NEK6: variants seen among roughly 807,000 people sequenced by gnomAD.
NEK6 encodes the protein serine/threonine-protein kinase Nek6.
A neutral mutation model predicts 43.5 loss-of-function variants in NEK6; 27 were observed. The observed-to-expected ratio is 0.62, with a 90% CI of 0.46 to 0.86. The LOEUF (loss-of-function observed/expected upper bound fraction) is 0.86. Among genes scored for constraint, NEK6 ranks in the 40% least tolerant of loss-of-function variants. NEK6 has a pLI of 0.00. For synonymous variants in NEK6, 167 were observed against 164.1 expected (o/e 1.02, Z -0.14); for missense variants, 318 against 414.4 (o/e 0.77, Z 2.02).
Position 124,283,444 on chromosome 9 carries a change from G to A in NEK6, c.-29-18492G>A, listed in dbSNP as rs557592876. Among the ~76,000 whole-genome samples the A allele has an allele frequency of 9.8e-5, 15 of 152,348 alleles. 1 individual carries two copies. The South Asian group carries it at 2.9e-3, about 29-fold the overall frequency. ...TGAGTGCACGGGTGTAGCACTGGACGGAGGACAGAGGCTGCTAAGCTGCAT... is the reference window on the plus strand; with the variant it reads ...TGAGTGCACGGGTGTAGCACTGGACAGAGGACAGAGGCTGCTAAGCTGCAT... On this transcript the variant is annotated intron_variant, in intron 1 of 9. Transcript: ENST00000320246.
At chr9:124,312,419 G>T (rs891962050) in intron 2 of NEK6, 90 bp from the exon 3 acceptor site, 2 of 1,400,614 alleles carry the variant, frequency 1.4e-6, no homozygotes, top group African/African-American at 1.4e-5. Context: ...ACCTTAGAGG[G>T]TGCTGTTGGG....
At chr9:124,350,410 G>T (rs1830195077) in intron 9 of NEK6, among the ~76,000 whole-genome samples, 1 of 152,126 alleles carries the variant, frequency 6.6e-6, no homozygotes, top group Non-Finnish European at 1.5e-5. Flanking sequence ...GCAGACTGCA[G>T]CCCTGCTGCA....
Position 124,353,161 on chromosome 9 carries a change from T to C in NEK6, c.*2214T>C, listed in dbSNP as rs1227314327. ...CTTTGCCATTTTTTTCCTACTTGGC[T>C]GCTGAGGTGGAGGGTGTGCTGCACT... On this transcript the variant is annotated 3_prime_UTR_variant, in exon 10 of 10. Coordinates refer to ENST00000320246, the MANE Select transcript of NEK6 (RefSeq NM_014397.6). The C allele has an allele frequency of 6.2e-6, 1 of 161,778 alleles. No homozygotes were observed. Among genetic ancestry groups the C allele is most frequent in the Non-Finnish European group, 1.3e-5 (1 of 74,940 alleles). 10.0% of individuals were successfully genotyped at this position (161,778 alleles called of 1,614,324 possible). A position where few individuals can be genotyped will look rare whatever the true frequency, so the allele number is the denominator to read the frequency against.
At chr9:124,260,714 C>T (rs1055430383) in intron 1 of NEK6, among the ~76,000 whole-genome samples, 6 of 152,172 alleles carry the variant, frequency 3.9e-5, no homozygotes, top group Non-Finnish European at 7.4e-5. Flanking sequence ...TCCCCATTTA[C>T]TGAGGATATA....
intron 7 of NEK6, among the ~76,000 whole-genome samples, chr9:124,332,336 G>A (rs1318049186): frequency 6.6e-6 from 1 of 152,226 alleles, no homozygotes; most frequent in African/African-American, 2.4e-5. Context: ...TCATTTTCCA[G>A]AGAGGGAAAC....
At chr9:124,277,733 C>G (rs888301231) in intron 1 of NEK6, among the ~76,000 whole-genome samples, 1 of 152,198 alleles carries the variant, frequency 6.6e-6, no homozygotes, top group Admixed American at 6.5e-5. Flanking sequence ...GTTTTGCTTC[C>G]TGGGGACGAG....
rs1008469082 is a variant in NEK6, at chr9:124,343,450, TCA to T, written c.717+3790_717+3791del. Among the ~76,000 whole-genome samples the T allele has an allele frequency of 6.6e-6, 1 of 152,028 alleles. No individual in the cohort carries two copies. The highest frequency in any genetic ancestry group is 1.5e-5 in the Non-Finnish European group (1 of 67,962). On this transcript the variant is annotated intron_variant, in intron 8 of 9. Coordinates refer to ENST00000320246, the MANE Select transcript of NEK6 (RefSeq NM_014397.6). The surrounding 1 kb of genome is among the most constrained non-coding windows in gnomAD (Gnocchi z 5.1). ...TGACCTAACCCTAGCAGCCCCGGCC[TCA>T]CACAGCAGCAGGCTGCTGTGGCCAC...
chr9:124,290,683 G>T (rs928601442), intron 1 of NEK6, among the ~76,000 whole-genome samples: 1 of 152,246 alleles, frequency 6.6e-6, no homozygotes, highest in African/African-American at 2.4e-5. Flanking sequence ...TCACAGACTG[G>T]GTGGCGGGGG....
At chr9:124,295,628 G>C (rs1341761591) in intron 1 of NEK6, among the ~76,000 whole-genome samples, 1 of 152,240 alleles carries the variant, frequency 6.6e-6, no homozygotes, top group Non-Finnish European at 1.5e-5. Flanking sequence ...CTTCTGAACA[G>C]TGTGGATCAT....
At chr9:124,332,583 C>T (rs1323192844) in intron 7 of NEK6, among the ~76,000 whole-genome samples, 3 of 152,224 alleles carry the variant, frequency 2.0e-5, no homozygotes, top group Non-Finnish European at 4.4e-5. Context: ...AAGGAGACCG[C>T]ATTTCTCCAG....
rs186420678 is a variant in NEK6, at chr9:124,339,460, C to T, written c.623-111C>T. 4.2e-4 allele frequency: 316 copies of T among 761,188 alleles called. 1 individual carries two copies. The African/African-American group carries it at 4.2e-3, about 10-fold the overall frequency. The allele number at this position is 761,188 out of a possible 1,614,324, so 47.2% of individuals were successfully genotyped here. A position where few individuals can be genotyped will look rare whatever the true frequency, so the allele number is the denominator to read the frequency against. On this transcript the variant is annotated intron_variant, in intron 7 of 9. Coordinates refer to ENST00000320246, the MANE Select transcript of NEK6 (RefSeq NM_014397.6). ...AGAGGGAGAAGGGCTGCTCAGAGAC[C>T]GAGGCACAATCTCTCCCCAGCTCCC...
chr9:124,318,273 A>G (rs1833914798), intron 4 of NEK6, among the ~76,000 whole-genome samples: 1 of 151,750 alleles, frequency 6.6e-6, no homozygotes, highest in Non-Finnish European at 1.5e-5. Context: ...ACTGGGTCAC[A>G]CCCTATCATC....
intron 1 of NEK6, among the ~76,000 whole-genome samples, chr9:124,276,515 A>C (rs1368114144): frequency 1.3e-5 from 2 of 152,224 alleles, no homozygotes; most frequent in African/African-American, 4.8e-5. Flanking sequence ...CCCGTGGTAC[A>C]TCGAAGGGGC....
intron 9 of NEK6, among the ~76,000 whole-genome samples, chr9:124,349,992 T>C (rs1479078664): frequency 6.6e-6 from 1 of 152,212 alleles, no homozygotes; most frequent in African/African-American, 2.4e-5. Context: ...CTAACGGGCC[T>C]GCGCAGCAGT....
chr9:124,266,361 T>A (rs1389537226), intron 1 of NEK6, among the ~76,000 whole-genome samples: 1 of 152,138 alleles, frequency 6.6e-6, no homozygotes, highest in African/African-American at 2.4e-5. Context: ...GAGTCCAGGA[T>A]CTGTGGTGCT....
At chr9:124,279,341 A>C in intron 1 of NEK6, among the ~76,000 whole-genome samples, 1 of 133,812 alleles carries the variant, frequency 7.5e-6, no homozygotes, top group Non-Finnish European at 1.5e-5. Flanking sequence ...TCACTCTGTC[A>C]CCCAGGCTGG....
At chr9:124,314,092 GC>G (rs2130871175) in intron 4 of NEK6, 107 bp downstream of exon 4, 1 of 981,930 alleles carries the variant, frequency 1.0e-6, no homozygotes, top group South Asian at 1.4e-5. Flanking sequence ...GGAATCCGCA[GC>G]CCCTGCTAAG....
intron 1 of NEK6, among the ~76,000 whole-genome samples, chr9:124,295,292 G>A (rs766968952): frequency 1.2e-4 from 19 of 152,212 alleles, no homozygotes; most frequent in Non-Finnish European, 2.5e-4. Context: ...GGACCCGGCC[G>A]GAAACCAGAC....
chr9:124,333,270 G>A (rs1340483691), intron 7 of NEK6, among the ~76,000 whole-genome samples: 3 of 152,340 alleles, frequency 2.0e-5, no homozygotes, highest in African/African-American at 2.4e-5. Context: ...CAGGCTTTAC[G>A]TGACTTATTC....
Sources: allele counts gnomAD v4.1 joint callset (sites outside exome capture counted in the v4.1 genomes callset), GRCh38; gene constraint gnomAD v4.1.1; non-coding constraint Gnocchi (gnomAD v3.1); transcripts MANE v1.5; gene names NCBI Gene and HGNC (gene_info 2026-07-23, HGNC 2026-07-21).